The following NAV3 variants were observed in gnomAD, a reference collection of about 807,000 sequenced individuals.
NAV3 encodes pore membrane and/or filament interacting like protein 1.
In NAV3, 87 loss-of-function variants were observed where a neutral mutation model predicts 244.7. The ratio of observed to expected loss-of-function variants is 0.36; its 90% CI spans 0.30 to 0.42. The LOEUF (loss-of-function observed/expected upper bound fraction) is 0.42. Ranked by LOEUF, NAV3 falls within the 20% of genes least tolerant of loss-of-function variation. NAV3 has a pLI of 1.00. For synonymous variants in NAV3, 1,126 were observed against 1,042.2 expected, an observed-to-expected ratio of 1.08 and a Z score of -1.55; for missense variants, 2,663 against 2,893.3, an observed-to-expected ratio of 0.92 and a Z score of 1.83.
chr12:78,083,195 A>C (rs1416313078), intron 12 of NAV3, among the ~76,000 whole-genome samples: 1 of 152,152 alleles, frequency 6.6e-6, no homozygotes, highest in East Asian at 1.9e-4. Flanking sequence ...GCTGAGAGAG[A>C]GCCAAACTGG....
upstream of NAV3, among the ~76,000 whole-genome samples, chr12:77,829,060 A>G (rs1873319752): frequency 6.6e-6 from 1 of 152,120 alleles, no homozygotes; most frequent in Non-Finnish European, 1.5e-5. Flanking sequence ...AGTCAGCAGG[A>G]GCCCTTTTGG....
intron 2 of NAV3, among the ~76,000 whole-genome samples, chr12:77,817,903 C>T (rs1015334998): frequency 2.0e-5 from 3 of 152,048 alleles, no homozygotes; most frequent in Admixed American, 6.6e-5. Flanking sequence ...TTATGTAGTT[C>T]CTCTAACAAC....
At chr12:77,818,171 C>A (rs978733826) in intron 2 of NAV3, among the ~76,000 whole-genome samples, 3 of 152,080 alleles carry the variant, frequency 2.0e-5, no homozygotes, top group African/African-American at 7.2e-5. Context: ...TTAACCAATA[C>A]TTAGTAAGCC....
chr12:77,713,711 G>A (rs1876228155), intron 2 of NAV3, among the ~76,000 whole-genome samples: 1 of 151,726 alleles, frequency 6.6e-6, no homozygotes, highest in South Asian at 2.1e-4. Flanking sequence ...TCTCTCTCTG[G>A]TCTAAGATCA....
At chr12:77,700,453 C>G (rs1338861820) in intron 2 of NAV3, among the ~76,000 whole-genome samples, 3 of 152,062 alleles carry the variant, frequency 2.0e-5, no homozygotes, top group African/African-American at 7.2e-5. Context: ...TAAAAACAAT[C>G]ACGTTATTTG....
rs1391035793 is a variant in NAV3 at position 78,040,956 on chromosome 12, CA to C, written c.2024-9033del. 1.1e-4 allele frequency among the ~76,000 whole-genome samples: 16 copies of C among 152,266 alleles called. No individual in the cohort carries two copies. In the South Asian group the frequency reaches 3.3e-3, roughly 32 times the overall value. On this transcript the variant is annotated intron_variant, in intron 9 of 39. Transcript: ENST00000397909. Reference sequence around the variant, plus strand: ...TTTCCAGTCTGTAAGATTTTCTCTACAAAACTTCTTTTTCTTCATAGTTCTC... The same window carrying C: ...TTTCCAGTCTGTAAGATTTTCTCTACAAACTTCTTTTTCTTCATAGTTCTC...
chr12:78,179,659 C>T lies in NAV3; in HGVS notation c.5494C>T (p.Arg1832Trp). The part of the protein sequence containing the change: ...LSSAHHLDQI[R>W]EAMNRMQNEI... ...CTCTGCTCATCATCTTGATCAGATCCGGGAAGCCATGAACCGGATGCAGGT... is the reference window on the plus strand; with the variant it reads ...CTCTGCTCATCATCTTGATCAGATCTGGGAAGCCATGAACCGGATGCAGGT... The change falls in exon 29 of 40, where the codon CGG (arginine) becomes TGG (tryptophan). Residue 1832 changes from arginine to tryptophan, a missense_variant. Physicochemically the swap from Arg to Trp is moderately radical, Grantham distance 101 (BLOSUM62 -3). Around this residue, in one of 6 missense-constraint regions of NAV3, gnomAD observed 543 missense variants for 672.4 expected, o/e 0.81. Transcript: ENST00000397909. 1.2e-6 allele frequency: 2 copies of T among 1,612,360 alleles called. No individual in the cohort carries two copies. The highest frequency in any genetic ancestry group is 1.7e-6 in the Non-Finnish European group (2 of 1,179,064).
At chr12:77,881,545 C>T (rs936561) in intron 1 of NAV3, among the ~76,000 whole-genome samples, 52,316 of 151,976 alleles carry the variant, frequency 0.34, 9,317 homozygotes, top group African/African-American at 0.43. Flanking sequence ...ACTCTCACCA[C>T]TCCTATTCAG....
intron 1 of NAV3, among the ~76,000 whole-genome samples, chr12:77,876,492 T>C (rs2136534572): frequency 6.6e-6 from 1 of 152,224 alleles, no homozygotes; most frequent in East Asian, 1.9e-4. Context: ...TTTATCATGG[T>C]AGTCAATACT....
At position 77,706,714 on chromosome 12, in the gene NAV3, C is replaced by CAA. The variant is rs559174142; in HGVS notation, c.72+134454_72+134455dup. On this transcript the variant is annotated intron_variant, in intron 2 of 8. Transcript: ENST00000550042. ...TGAAACCCCGTCTCTAATAAAAATACAAAAAAATTAGCAGGGCGTGGTGGC... is the reference window on the plus strand; with the variant it reads ...TGAAACCCCGTCTCTAATAAAAATACAAAAAAAAATTAGCAGGGCGTGGTGGC... Among the ~76,000 whole-genome samples the CAA allele has an allele frequency of 5.6e-3, 832 of 149,790 alleles. 34 individuals are homozygous for CAA. The highest frequency in any genetic ancestry group is 0.02 in the African/African-American group (806 of 40,122).
At chr12:78,113,372 A>G (rs1468682763) in intron 12 of NAV3, among the ~76,000 whole-genome samples, 2 of 152,218 alleles carry the variant, frequency 1.3e-5, no homozygotes, top group African/African-American at 4.8e-5. Flanking sequence ...GAGGTTCACC[A>G]TGAGGGCTCC....
intron 2 of NAV3, among the ~76,000 whole-genome samples, chr12:77,798,215 A>C (rs1325853117): frequency 6.6e-6 from 1 of 152,050 alleles, no homozygotes; most frequent in Non-Finnish European, 1.5e-5. Context: ...AAAAACCCCA[A>C]AAACAAATGA....
intron 1 of NAV3, among the ~76,000 whole-genome samples, chr12:77,838,813 G>C (rs927619619): frequency 3.3e-5 from 5 of 152,166 alleles, no homozygotes; most frequent in African/African-American, 9.7e-5. Context: ...ACTTATGCTA[G>C]ATCCTAAAAG....
In NAV3 at chr12:77,873,383, G is replaced by A. The variant is rs542476565; in HGVS notation, c.243+41679G>A. Among the ~76,000 whole-genome samples the A allele has an allele frequency of 9.2e-5, 14 of 151,992 alleles. 1 individual carries two copies. The South Asian group carries it at 2.3e-3, about 25-fold the overall frequency. ...TTATTGTTACTTTGTAACAAATGAT[G>A]TAACAAATGTGACAAATCGTTACTT... On this transcript the variant is annotated intron_variant, in intron 1 of 39. Coordinates refer to ENST00000397909, the MANE Select transcript of NAV3 (RefSeq NM_001024383.2).
At chr12:77,655,753 G>A (rs150488549) in intron 2 of NAV3, among the ~76,000 whole-genome samples, 3,584 of 152,270 alleles carry the variant, frequency 0.024, 137 homozygotes, top group African/African-American at 0.081. Flanking sequence ...ACTAACAGCA[G>A]ATCTGTTGGC....
chr12:78,206,854 C>CTTTTTTTTTTTTTTTT (rs10594185), intron 39 of NAV3, among the ~76,000 whole-genome samples: 2 of 114,840 alleles, frequency 1.7e-5, no homozygotes, highest in African/African-American at 3.2e-5. Flanking sequence ...TTCTTTCTTA[C>CTTTTTTTTTTTTTTTT]TTTTTTTTTT....
In NAV3 at chr12:78,118,231, G is replaced by C; in HGVS notation, c.2974G>C (p.Gly992Arg). The stretch of plus-strand genomic sequence containing the variant: ...TTCACAGACAGGTTCCTGGAGAAGA[G>C]GCATGTCTGCCCAAGGAGGGGCGCC... ...SVSQTGSWRR[G>R]MSAQGGAPSR... The change falls in exon 14 of 40, where the codon GGC becomes CGC. Residue 992 changes from glycine (G) to arginine (R), a missense_variant. This residue lies in a region of NAV3 where 1,521 missense variants were observed against 1,497.0 expected (regional missense o/e 1.02). Coordinates refer to ENST00000397909, the MANE Select transcript of NAV3 (RefSeq NM_001024383.2). 1 of 1,613,732 alleles carries C rather than the reference G, an allele frequency of 6.2e-7. No homozygotes were observed. The highest frequency in any genetic ancestry group is 8.5e-7 in the Non-Finnish European group (1 of 1,179,764).
chr12:77,809,627 C>T (rs928045710), intron 2 of NAV3, among the ~76,000 whole-genome samples: 1 of 152,194 alleles, frequency 6.6e-6, no homozygotes, highest in Non-Finnish European at 1.5e-5. Flanking sequence ...GCCATCTTGC[C>T]AGCTACTTGA....
chr12:77,643,957 GCTTA>G (rs1872522470), intron 2 of NAV3, among the ~76,000 whole-genome samples: 1 of 151,998 alleles, frequency 6.6e-6, no homozygotes, highest in Non-Finnish European at 1.5e-5. Flanking sequence ...AAATATTTGA[GCTTA>G]CTTATTACTT....
Sources: allele counts gnomAD v4.1 joint callset (sites outside exome capture counted in the v4.1 genomes callset), GRCh38; gene constraint gnomAD v4.1.1; regional missense constraint gnomAD v4.1.1; transcripts MANE v1.5; gene names NCBI Gene and HGNC (gene_info 2026-07-23, HGNC 2026-07-21).